AGMO: variants seen among roughly 807,000 people sequenced by gnomAD.
AGMO encodes alkylglycerol monooxygenase.
Under a neutral mutation model 60.2 loss-of-function variants are expected in AGMO, and 75 were observed. That is an observed-to-expected ratio of 1.25 (90% CI 1.03 to 1.51). AGMO has a LOEUF of 1.51. Ranked by LOEUF, AGMO falls within the 40% of genes most tolerant of loss-of-function variation. The probability of loss-of-function intolerance (pLI) is 0.00; values close to 1 mark genes in which losing one functional copy is unlikely to be tolerated. For synonymous variants in AGMO, 261 were observed against 177.1 expected (o/e 1.47, Z -3.76); for missense variants, 763 against 525.5 (o/e 1.45, Z -4.42).
rs553403471 is a variant in AGMO at position 15,328,046 on chromosome 7, G to A, written c.1263+37468C>T. ...CCCCATCAGCCTCCCAAAGTGCTGG[G>A]ATTGCAGGTATGAGACACTGTGCCT... On this transcript the variant is annotated intron_variant, in intron 12 of 12. Coordinates refer to ENST00000342526, the MANE Select transcript of AGMO (RefSeq NM_001004320.2). 2.0e-5 allele frequency among the ~76,000 whole-genome samples: 3 copies of A among 152,020 alleles called. No homozygotes were observed. The South Asian group carries it at 6.2e-4, about 32-fold the overall frequency.
intron 5 of AGMO, among the ~76,000 whole-genome samples, chr7:15,413,790 G>C (rs879301703): frequency 6.6e-6 from 1 of 152,062 alleles, no homozygotes; most frequent in Non-Finnish European, 1.5e-5. Flanking sequence ...TAGATTTGTT[G>C]CTACAGGTCT....
At chr7:15,505,016 G>A (rs1783473876) in intron 3 of AGMO, among the ~76,000 whole-genome samples, 1 of 151,690 alleles carries the variant, frequency 6.6e-6, no homozygotes, top group Admixed American at 6.6e-5. Flanking sequence ...GTGTGCTCCA[G>A]GTCTTCAATT....
chr7:15,489,672 A>T (rs568325244), intron 3 of AGMO, among the ~76,000 whole-genome samples: 1 of 152,310 alleles, frequency 6.6e-6, no homozygotes, highest in East Asian at 1.9e-4. Flanking sequence ...CAACCAGTGC[A>T]CACACAAAGT....
the AGMO span, among the ~76,000 whole-genome samples, chr7:15,150,135 T>A: frequency 6.6e-6 from 1 of 152,250 alleles, no homozygotes; most frequent in South Asian, 2.1e-4. Flanking sequence ...GAAATGCTAC[T>A]GATTTTTCTA....
chr7:15,336,197 C>G (rs1781654278), intron 12 of AGMO, among the ~76,000 whole-genome samples: 1 of 152,040 alleles, frequency 6.6e-6, no homozygotes, highest in African/African-American at 2.4e-5. Context: ...CATTCAATTT[C>G]AATTTATAGC....
chr7:15,262,263 G>T (rs554241934), intron 12 of AGMO, among the ~76,000 whole-genome samples: 1 of 151,916 alleles, frequency 6.6e-6, no homozygotes, highest in African/African-American at 2.4e-5. Context: ...CCTAGAACTG[G>T]TAACTGAATT....
chr7:15,395,166 G>A (rs779051198), intron 5 of AGMO, among the ~76,000 whole-genome samples: 17 of 152,096 alleles, frequency 1.1e-4, no homozygotes, highest in Non-Finnish European at 2.4e-4. Flanking sequence ...TCAATACACT[G>A]TTATGATATT....
chr7:15,269,436 G>A (rs1215703268), intron 12 of AGMO, among the ~76,000 whole-genome samples: 1 of 152,012 alleles, frequency 6.6e-6, no homozygotes, highest in Non-Finnish European at 1.5e-5. Flanking sequence ...AATAGAATCA[G>A]AGAATGCTAG....
At chr7:15,409,705 C>CT (rs1251509313) in intron 5 of AGMO, among the ~76,000 whole-genome samples, 1 of 151,680 alleles carries the variant, frequency 6.6e-6, no homozygotes, top group East Asian at 1.9e-4. Context: ...TTTGCTTGCA[C>CT]GTACTGGATG....
intron 12 of AGMO, among the ~76,000 whole-genome samples, chr7:15,274,380 C>T (rs531828415): frequency 6.6e-5 from 10 of 152,126 alleles, no homozygotes; most frequent in East Asian, 1.9e-4. Flanking sequence ...GATAATCATG[C>T]GGTTTTTGTC....
chr7:15,384,639 G>C (rs1391439287), intron 10 of AGMO, among the ~76,000 whole-genome samples: 1 of 151,940 alleles, frequency 6.6e-6, no homozygotes, highest in African/African-American at 2.4e-5. Flanking sequence ...TTCATGGGGT[G>C]CTTACTTTAT....
chr7:15,395,067 T>C (rs1164457883), intron 5 of AGMO, among the ~76,000 whole-genome samples: 5 of 152,294 alleles, frequency 3.3e-5, no homozygotes, highest in South Asian at 2.1e-4. Flanking sequence ...CAATTTGAGA[T>C]CTTCCACCAA....
Position 15,281,799 on chromosome 7 carries a change from G to T in AGMO, c.1264-80440C>A, listed in dbSNP as rs534682481. ...TAAATAAATTATTGAGGGGAAAATA[G>T]ATTTTTAAATAAGTGTACACCACAA... On this transcript the variant is annotated intron_variant, in intron 12 of 12. Coordinates refer to ENST00000342526, the MANE Select transcript of AGMO (RefSeq NM_001004320.2). Among the ~76,000 whole-genome samples the T allele has an allele frequency of 4.5e-4, 68 of 152,252 alleles. 2 individuals are homozygous for T. The highest frequency in any genetic ancestry group is 9.8e-4 in the Admixed American group (15 of 15,290).
the AGMO span, among the ~76,000 whole-genome samples, chr7:15,161,736 T>C: frequency 6.6e-6 from 1 of 151,840 alleles, no homozygotes; most frequent in African/African-American, 2.4e-5. Context: ...ATCACATACA[T>C]GTATACCCCT....
chr7:15,431,188 T>G (rs1781228326), intron 3 of AGMO, 80 bp from the exon 4 acceptor site: 1 of 941,322 alleles, frequency 1.1e-6, no homozygotes, highest in Admixed American at 2.1e-5. Flanking sequence ...TGCTGCTCTG[T>G]TGAGTGAGGA....
At chr7:15,406,621 G>A (rs867282495) in intron 5 of AGMO, among the ~76,000 whole-genome samples, 145 of 53,112 alleles carry the variant, frequency 2.7e-3, no homozygotes, top group African/African-American at 3.0e-3. Flanking sequence ...ATGTACACAT[G>A]TGTGTATATA....
intron 3 of AGMO, among the ~76,000 whole-genome samples, chr7:15,468,235 T>C (rs1392287733): frequency 6.6e-6 from 1 of 152,202 alleles, no homozygotes; most frequent in African/African-American, 2.4e-5. Flanking sequence ...TTCTTACAAG[T>C]GGCAACACTA....
chr7:15,157,205 C>A, the AGMO span, among the ~76,000 whole-genome samples: 1 of 152,132 alleles, frequency 6.6e-6, no homozygotes, highest in Non-Finnish European at 1.5e-5. Context: ...TCACAGCAAT[C>A]CTTTGAAGCA....
intron 5 of AGMO, among the ~76,000 whole-genome samples, chr7:15,407,589 G>C (rs777299481): frequency 5.3e-5 from 8 of 151,686 alleles, no homozygotes; most frequent in Non-Finnish European, 1.0e-4. Context: ...AATATGTTAA[G>C]TAAGGTATTG....
Sources: gnomAD v4.1 joint callset for allele counts (sites outside exome capture counted in the v4.1 genomes callset) on GRCh38, gnomAD v4.1.1 for gene constraint, MANE v1.5 for transcripts, NCBI Gene and HGNC (gene_info 2026-07-23, HGNC 2026-07-21) for gene names.